Variants in SLC24A4 observed in about 807,000 individuals in gnomAD.
The protein encoded by SLC24A4 is sodium/potassium/calcium exchanger 4.
A neutral mutation model predicts 79.0 loss-of-function variants in SLC24A4; 53 were observed. The ratio of observed to expected loss-of-function variants is 0.67; its 90% confidence interval spans 0.54 to 0.84. The LOEUF is 0.84. Ranked by LOEUF, SLC24A4 falls within the 40% of genes least tolerant of loss-of-function variation. The probability of loss-of-function intolerance (pLI) is 0.00; values close to 1 mark genes in which losing one functional copy is unlikely to be tolerated. For synonymous variants in SLC24A4, 323 were observed against 323.8 expected, an observed-to-expected ratio of 1.00 and a Z score of 0.03; for missense variants, 731 against 822.0, an observed-to-expected ratio of 0.89 and a Z score of 1.35.
chr14:92,342,674 A>C (rs1595138795), intron 2 of SLC24A4, among the ~76,000 whole-genome samples: 2 of 152,314 alleles, frequency 1.3e-5, no homozygotes, highest in Middle Eastern at 6.8e-3. Context: ...GCACCACCGC[A>C]TGCCCTGCCC....
intron 12 of SLC24A4, among the ~76,000 whole-genome samples, chr14:92,479,894 A>C (rs988039490): frequency 1.4e-4 from 22 of 152,192 alleles, no homozygotes; most frequent in Non-Finnish European, 2.9e-4. Flanking sequence ...AAATCTATTC[A>C]GATTTTCTGT....
At chr14:92,380,648 C>T (rs555536293) in intron 2 of SLC24A4, among the ~76,000 whole-genome samples, 1 of 152,356 alleles carries the variant, frequency 6.6e-6, no homozygotes, top group South Asian at 2.1e-4. Context: ...TGTAATTTAT[C>T]GACTCCAGGA....
At chr14:92,359,728 C>G (rs909606011) in intron 2 of SLC24A4, among the ~76,000 whole-genome samples, 3 of 152,176 alleles carry the variant, frequency 2.0e-5, no homozygotes, top group African/African-American at 7.2e-5. Flanking sequence ...CAGAGCATTG[C>G]CAGGCCCCCA....
upstream of SLC24A4, among the ~76,000 whole-genome samples, chr14:92,322,886 AAG>A (rs773285740): frequency 7.8e-4 from 118 of 152,144 alleles, no homozygotes; most frequent in Non-Finnish European, 1.4e-3. Context: ...CCCTTTTTCT[AAG>A]AGTCCCCAGC....
chr14:92,352,521 A>G (rs972974744), intron 2 of SLC24A4, among the ~76,000 whole-genome samples: 2 of 151,926 alleles, frequency 1.3e-5, no homozygotes, highest in African/African-American at 4.8e-5. Flanking sequence ...GATAGTGAGC[A>G]CTCCCCTTCT....
intron 2 of SLC24A4, among the ~76,000 whole-genome samples, chr14:92,402,747 A>G (rs186699966): frequency 6.6e-6 from 1 of 152,244 alleles, no homozygotes; most frequent in Admixed American, 6.5e-5. Flanking sequence ...TTATAAAGCC[A>G]TCAGATCTTG....
rs551206469 is a variant in SLC24A4, at chr14:92,492,959, AACACACACACACACACACACACACAC to A, written c.1717-483_1717-458del. On this transcript the variant is annotated intron_variant, in intron 16 of 16. Transcript: ENST00000532405. ...TTCCGTGCTTTAACCCTCTACCCCA[AACACACACACACACACACACACACAC>A]ACACACACACACACACACACACACA... 142 of 299,372 alleles carry A rather than the reference AACACACACACACACACACACACACAC, an allele frequency of 4.7e-4. 1 individual carries two copies. Among genetic ancestry groups the A allele is most frequent in the East Asian group, 1.1e-3 (10 of 9,262 alleles). The allele number at this position is 299,372 out of a possible 1,614,324, so 18.5% of individuals were successfully genotyped here.
intron 2 of SLC24A4, among the ~76,000 whole-genome samples, chr14:92,390,131 G>C (rs534158329): frequency 0.024 from 1,956 of 80,544 alleles, 68 homozygotes; most frequent in Admixed American, 0.15. Context: ...TCCCAGTCCG[G>C]GTCATCCCTG....
At chr14:92,448,994 G>A (rs951376073) in intron 9 of SLC24A4, 80 bp from the exon 10 acceptor site, 1 of 1,546,242 alleles carries the variant, frequency 6.5e-7, no homozygotes, top group African/African-American at 1.4e-5. Flanking sequence ...TGCGTGCAGG[G>A]ATGGGGTGTG....
At chr14:92,432,362 T>G (rs1011692319) in intron 2 of SLC24A4, among the ~76,000 whole-genome samples, 4 of 152,232 alleles carry the variant, frequency 2.6e-5, no homozygotes. Flanking sequence ...TTTTCAAAAA[T>G]TTTTAAAGAT....
Position 92,442,728 on chromosome 14 carries a change from A to T in SLC24A4, c.494A>T (p.His165Leu). Reference protein sequence around the residue: ...FASVIGVFITHGDVGVGTIVG... With the variant: ...FASVIGVFITLGDVGVGTIVG... ...TCCTTTCCAGGGGTGTTCATCACCC[A>T]TGGGGACGTCGGGGTGGGCACCATC... is the stretch of plus-strand genomic sequence containing the variant. The change falls in exon 6 of 17, where the codon CAT becomes CTT. Residue 165 changes from histidine (H) to leucine (L), a missense_variant. Transcript: ENST00000532405. 1.2e-6 allele frequency: 2 copies of T among 1,613,538 alleles called. No homozygotes were observed. The highest frequency in any genetic ancestry group is 1.7e-6 in the Non-Finnish European group (2 of 1,179,482).
Position 92,445,330 on chromosome 14 carries a change from A to T in SLC24A4, c.671A>T (p.Glu224Val), listed in dbSNP as rs1455336786. Residue 224 changes from glutamate to valine, a missense_variant, in exon 8 of 17, where the codon GAA becomes GTA. Physicochemically the swap from Glu to Val is moderately radical, Grantham distance 121. Transcript: ENST00000532405. Reference protein sequence around the residue: ...VIVLIVFIYDEQIVWWEGLVL... With the variant: ...VIVLIVFIYDVQIVWWEGLVL... ...TTTGCCTTACAGTTCATATATGATG[A>T]ACAAATTGTGTGGTAAGTTTTTCAA... The T allele has an allele frequency of 6.2e-7, 1 of 1,614,044 alleles. No homozygotes were observed. Among genetic ancestry groups the T allele is most frequent in the South Asian group, 1.1e-5 (1 of 91,078 alleles).
At chr14:92,415,232 A>T (rs375461289) in intron 2 of SLC24A4, among the ~76,000 whole-genome samples, 3 of 152,166 alleles carry the variant, frequency 2.0e-5, no homozygotes, top group African/African-American at 4.8e-5. Flanking sequence ...GCTGGAGGTC[A>T]GGCCTCCTGC....
intron 4 of SLC24A4, among the ~76,000 whole-genome samples, chr14:92,440,056 G>A (rs973104548): frequency 3.3e-5 from 5 of 152,156 alleles, no homozygotes; most frequent in African/African-American, 9.7e-5. Context: ...GAAATCTCCC[G>A]CGTGTTTGAG....
chr14:92,408,292 G>A (rs1890518939), intron 2 of SLC24A4: 2 of 602,674 alleles, frequency 3.3e-6, no homozygotes, highest in Middle Eastern at 8.2e-4. Context: ...TATTGTGTTT[G>A]TTGTGGCTAA....
At chr14:92,464,568 A>G (rs1366955032) in intron 12 of SLC24A4, among the ~76,000 whole-genome samples, 7 of 146,170 alleles carry the variant, frequency 4.8e-5, no homozygotes, top group Non-Finnish European at 9.2e-5. Flanking sequence ...TGCTGATGCT[A>G]TAGCAAAACC....
chr14:92,323,790 C>T lies in SLC24A4; in HGVS notation c.-41C>T, dbSNP rs775152740. 6 of 1,533,198 alleles carry T rather than the reference C, an allele frequency of 3.9e-6. No homozygotes were observed. In the South Asian group the frequency reaches 4.8e-5, roughly 12 times the overall value. 95.0% of individuals were successfully genotyped at this position (1,533,198 alleles called of 1,614,324 possible). On this transcript the variant is annotated 5_prime_UTR_variant, in exon 1 of 17. Coordinates refer to ENST00000532405, the MANE Select transcript of SLC24A4 (RefSeq NM_153646.4). The surrounding 1 kb of genome is among the most constrained non-coding windows in gnomAD (Gnocchi z 4.9). ...ACTGATTGCACTCTGGCCGCTGAAG[C>T]TCCCCATCCTCTCCCAGAGACGGCA...
At chr14:92,476,475 T>G (rs924465319) in intron 12 of SLC24A4, among the ~76,000 whole-genome samples, 2 of 152,198 alleles carry the variant, frequency 1.3e-5, no homozygotes, top group Non-Finnish European at 2.9e-5. Context: ...GTAAAAATAC[T>G]TTTAATGATT....
chr14:92,361,507 A>G (rs924205208), intron 2 of SLC24A4, among the ~76,000 whole-genome samples: 1 of 152,156 alleles, frequency 6.6e-6, no homozygotes, highest in African/African-American at 2.4e-5. Context: ...GAAAGGAAAA[A>G]AAAAAATGAA....
Sources: gnomAD v4.1 joint callset for allele counts (sites outside exome capture counted in the v4.1 genomes callset) on GRCh38, gnomAD v4.1.1 for gene constraint, Gnocchi (gnomAD v3.1) non-coding constraint, MANE v1.5 for transcripts, NCBI Gene and HGNC (gene_info 2026-07-23, HGNC 2026-07-21) for gene names.